The following KCNH1 variants were observed in gnomAD, a reference collection of about 807,000 sequenced individuals.
KCNH1 encodes voltage-gated delayed rectifier potassium channel KCNH1.
A neutral mutation model predicts 69.2 loss-of-function variants in KCNH1; 27 were observed. The observed-to-expected ratio is 0.39, with a 90% confidence interval of 0.29 to 0.54. The LOEUF (loss-of-function observed/expected upper bound fraction) is 0.54. KCNH1 is among the 20% of genes least tolerant of loss of function. KCNH1 has a pLI of 0.68. For missense variants in KCNH1, 798 were observed against 1,261.6 expected (o/e 0.63, Z 5.57); for synonymous variants, 456 against 487.7 (o/e 0.93, Z 0.86).
intron 2 of KCNH1, among the ~76,000 whole-genome samples, chr1:211,104,324 G>A (rs1313443504): frequency 6.6e-6 from 1 of 152,042 alleles, no homozygotes; most frequent in Non-Finnish European, 1.5e-5. Flanking sequence ...AGACTTCCTG[G>A]TAAAGATGGC....
chr1:210,902,679 C>T lies in KCNH1; in HGVS notation c.1462+16961G>A, dbSNP rs140680967. Among the ~76,000 whole-genome samples the T allele has an allele frequency of 5.9e-5, 9 of 152,046 alleles. No homozygotes were observed. The East Asian group carries it at 1.7e-3, about 30-fold the overall frequency. On this transcript the variant is annotated intron_variant, in intron 7 of 10. Coordinates refer to ENST00000271751, the MANE Select transcript of KCNH1 (RefSeq NM_172362.3). Reference sequence around the variant, plus strand: ...GAAGGAAGCCCGTGGTGAAGTGGGCCCTCCATAGTAAAGCGGCACACTCTG... The same window carrying T: ...GAAGGAAGCCCGTGGTGAAGTGGGCTCTCCATAGTAAAGCGGCACACTCTG...
chr1:210,725,323 G>GT (rs985165336), intron 10 of KCNH1, among the ~76,000 whole-genome samples: 6 of 152,138 alleles, frequency 3.9e-5, no homozygotes, highest in African/African-American at 1.2e-4. Context: ...TATTCATTCA[G>GT]TTTTTTATAC....
chr1:210,999,272 C>A (rs1317934898), intron 6 of KCNH1, among the ~76,000 whole-genome samples: 1 of 151,770 alleles, frequency 6.6e-6, no homozygotes, highest in East Asian at 1.9e-4. Flanking sequence ...GCTAGCAAGA[C>A]TAATAAAGAA....
At chr1:210,945,729 T>C (rs1192352662) in intron 6 of KCNH1, among the ~76,000 whole-genome samples, 4 of 152,178 alleles carry the variant, frequency 2.6e-5, no homozygotes, top group Non-Finnish European at 5.9e-5. Context: ...ACACATTGGG[T>C]ACCCTTCCAC....
In KCNH1 at chr1:210,989,033, A is replaced by G. The variant is rs77482201; in HGVS notation, c.1032+29750T>C. On this transcript the variant is annotated intron_variant, in intron 6 of 10. Transcript: ENST00000271751. ...ATAACATTTTTTTTCTTTTTGCAAA[A>G]GTGGTGCTACTGTCACACATTTTAG... is the stretch of plus-strand genomic sequence containing the variant. Among the ~76,000 whole-genome samples the G allele has an allele frequency of 6.0e-3, 910 of 152,292 alleles. 5 individuals are homozygous for G. Among genetic ancestry groups the G allele is most frequent in the African/African-American group, 0.021 (866 of 41,564 alleles).
intron 5 of KCNH1, among the ~76,000 whole-genome samples, chr1:211,080,606 G>A (rs1690836949): frequency 6.6e-6 from 1 of 152,168 alleles, no homozygotes; most frequent in Admixed American, 6.5e-5. Flanking sequence ...TGTGGTACTG[G>A]TACCAAAACA....
chr1:210,795,126 T>TTTG lies in KCNH1; in HGVS notation c.1915+2379_1915+2381dup, dbSNP rs141102001. On this transcript the variant is annotated intron_variant, in intron 9 of 10. Transcript: ENST00000271751. ...CCCACCCAATTTCTTTTTGCTTGTT[T>TTTG]TTGTTGTTGTTGTTGTTGTTGTTGT... Among the ~76,000 whole-genome samples the TTTG allele has an allele frequency of 1.8e-3, 270 of 151,336 alleles. 1 individual carries two copies. Among genetic ancestry groups the TTTG allele is most frequent in the African/African-American group, 5.5e-3 (227 of 41,230 alleles).
intron 6 of KCNH1, among the ~76,000 whole-genome samples, chr1:211,012,861 TAGAG>T (rs1414042246): frequency 6.6e-6 from 1 of 152,132 alleles, no homozygotes; most frequent in Non-Finnish European, 1.5e-5. Flanking sequence ...AAAATGTTAA[TAGAG>T]AGGAAACTGT....
chr1:210,795,569 C>T (rs1335759381), intron 9 of KCNH1, among the ~76,000 whole-genome samples: 1 of 151,958 alleles, frequency 6.6e-6, no homozygotes, highest in Non-Finnish European at 1.5e-5. Context: ...GGCTTAGGAC[C>T]AAAAAACAAG....
At chr1:210,934,873 G>A (rs1687747459) in intron 6 of KCNH1, among the ~76,000 whole-genome samples, 1 of 151,664 alleles carries the variant, frequency 6.6e-6, no homozygotes, top group African/African-American at 2.4e-5. Flanking sequence ...AATATATATT[G>A]CTTGTATATA....
At chr1:211,132,457 T>A (rs966265356) in intron 1 of KCNH1, 1 of 152,090 alleles carries the variant, frequency 6.6e-6, no homozygotes, top group Non-Finnish European at 1.5e-5. Flanking sequence ...AAAGGAAAGG[T>A]GACTGACCAG....
intron 6 of KCNH1, among the ~76,000 whole-genome samples, chr1:210,978,012 T>C (rs1383291132): frequency 2.0e-5 from 3 of 152,134 alleles, no homozygotes; most frequent in African/African-American, 7.2e-5. Flanking sequence ...TCCTTACTTA[T>C]TGAGTCATTG....
chr1:210,721,409 GGTTT>G (rs1383543912), intron 10 of KCNH1, among the ~76,000 whole-genome samples: 3 of 152,112 alleles, frequency 2.0e-5, no homozygotes, highest in Non-Finnish European at 2.9e-5. Flanking sequence ...AGCAGTTGGT[GGTTT>G]GGGTTAATAA....
At chr1:210,707,430 G>T (rs1681941305) in intron 10 of KCNH1, among the ~76,000 whole-genome samples, 1 of 152,180 alleles carries the variant, frequency 6.6e-6, no homozygotes, top group Admixed American at 6.5e-5. Flanking sequence ...TTTACATCAA[G>T]AACTGTTCAA....
intron 7 of KCNH1, among the ~76,000 whole-genome samples, chr1:210,911,171 G>A (rs995401332): frequency 6.6e-6 from 1 of 152,106 alleles, no homozygotes; most frequent in Non-Finnish European, 1.5e-5. Context: ...GTACACAGAT[G>A]CACTATGATA....
At chr1:210,699,071 T>C (rs1297128505) in intron 10 of KCNH1, among the ~76,000 whole-genome samples, 1 of 152,194 alleles carries the variant, frequency 6.6e-6, no homozygotes, top group Non-Finnish European at 1.5e-5. Flanking sequence ...GTCCCCGTAT[T>C]TTGGACCTTC....
chr1:210,766,485 A>G (rs1244816409), intron 10 of KCNH1, among the ~76,000 whole-genome samples: 2 of 151,664 alleles, frequency 1.3e-5, no homozygotes, highest in Non-Finnish European at 2.9e-5. Context: ...AGATCATACC[A>G]TTGCACTCCA....
chr1:211,014,103 C>T (rs1012753137), intron 6 of KCNH1, among the ~76,000 whole-genome samples: 1 of 152,188 alleles, frequency 6.6e-6, no homozygotes, highest in Non-Finnish European at 1.5e-5. Flanking sequence ...TCTTGGCCAC[C>T]TTCAGGCTCC....
intron 10 of KCNH1, among the ~76,000 whole-genome samples, chr1:210,718,355 C>T (rs1225174413): frequency 9.3e-6 from 1 of 107,896 alleles, no homozygotes; most frequent in Non-Finnish European, 1.8e-5. Context: ...TGTATATATA[C>T]ATATATTTAT....
Sources: allele counts gnomAD v4.1 joint callset (sites outside exome capture counted in the v4.1 genomes callset), GRCh38; gene constraint gnomAD v4.1.1; transcripts MANE v1.5; gene names NCBI Gene and HGNC (gene_info 2026-07-23, HGNC 2026-07-21).